Variants in SPSB1 observed in about 807,000 individuals in gnomAD.
SPSB1 encodes splA/ryanodine receptor domain and SOCS box containing 1, also known as SPRY domain-containing SOCS box protein 1.
SPSB1 carries 8 observed loss-of-function variants against 21.2 expected under a neutral mutation model. The ratio of observed to expected loss-of-function variants is 0.38; its 90% CI spans 0.22 to 0.68. SPSB1 has a LOEUF of 0.68. Ranked by LOEUF, SPSB1 falls within the 30% of genes least tolerant of loss-of-function variation. The probability of loss-of-function intolerance (pLI) is 0.53; values close to 1 mark genes in which losing one functional copy is unlikely to be tolerated. For missense variants in SPSB1, 242 were observed against 377.8 expected (o/e 0.64, Z 2.98); for synonymous variants, 169 against 161.7 (o/e 1.05, Z -0.34).
At chr1:9,329,948 G>C (rs1334352397) in intron 1 of SPSB1, among the ~76,000 whole-genome samples, 1 of 152,184 alleles carries the variant, frequency 6.6e-6, no homozygotes, top group African/African-American at 2.4e-5. Flanking sequence ...GGAGAAAATT[G>C]CTGTGGATGA....
chr1:9,341,148 C>T (rs1006031626), intron 1 of SPSB1, among the ~76,000 whole-genome samples: 3 of 152,196 alleles, frequency 2.0e-5, no homozygotes, highest in African/African-American at 4.8e-5. Flanking sequence ...AATAGGCACA[C>T]CCCAGATCCA....
At chr1:9,349,457 CAG>C (rs1640215765) in intron 1 of SPSB1, among the ~76,000 whole-genome samples, 1 of 152,254 alleles carries the variant, frequency 6.6e-6, no homozygotes, top group South Asian at 2.1e-4. Context: ...TGAGCTCAAC[CAG>C]AGAGGCCAAG....
At chr1:9,328,393 C>T (rs773015596) in intron 1 of SPSB1, among the ~76,000 whole-genome samples, 1 of 152,220 alleles carries the variant, frequency 6.6e-6, no homozygotes, top group Non-Finnish European at 1.5e-5. Flanking sequence ...CGGGACTTCT[C>T]AGAGCCTTTA....
chr1:9,329,753 G>A (rs1030773579), intron 1 of SPSB1, among the ~76,000 whole-genome samples: 2 of 151,750 alleles, frequency 1.3e-5, no homozygotes, highest in Non-Finnish European at 2.9e-5. Flanking sequence ...TAGTGCTGGA[G>A]TCCAGGAGAC....
At chr1:9,303,638 G>A (rs1639367909) in intron 1 of SPSB1, among the ~76,000 whole-genome samples, 1 of 152,224 alleles carries the variant, frequency 6.6e-6, no homozygotes, top group South Asian at 2.1e-4. Context: ...GGAGTGAATA[G>A]CACTCAAGGA....
chr1:9,335,724 C>T (rs1268428646), intron 1 of SPSB1, among the ~76,000 whole-genome samples: 1 of 152,112 alleles, frequency 6.6e-6, no homozygotes, highest in African/African-American at 2.4e-5. Flanking sequence ...CACTTGAGCA[C>T]TTGAGCCCAG....
rs1557465573 is a variant in SPSB1, at chr1:9,357,093, ATGGATGGATGGATGGATGAGTGGATGG to A, written c.694+509_694+535del. Among the ~76,000 whole-genome samples, 322 of 92,382 alleles carry A rather than the reference ATGGATGGATGGATGGATGAGTGGATGG, an allele frequency of 3.5e-3. 1 individual carries two copies. The highest frequency in any genetic ancestry group is 5.6e-3 in the Non-Finnish European group (235 of 42,272). The allele number at this position is 92,382 out of a possible 152,430, so 60.6% of individuals were successfully genotyped here. ...AATGAACGGATGGATGGGTGGGTGG[ATGGATGGATGGATGGATGAGTGGATGG>A]ATGGATGGATGAGTGGATGGATGGA... On this transcript the variant is annotated intron_variant, in intron 2 of 2. Transcript: ENST00000328089.
chr1:9,360,666 C>T (rs1354411440), intron 2 of SPSB1, among the ~76,000 whole-genome samples: 3 of 152,176 alleles, frequency 2.0e-5, no homozygotes, highest in Non-Finnish European at 4.4e-5. Flanking sequence ...CCAGGGTGCT[C>T]CACCTGTGTA....
intron 1 of SPSB1, among the ~76,000 whole-genome samples, chr1:9,314,249 A>G (rs1639573442): frequency 6.6e-6 from 1 of 151,804 alleles, no homozygotes; most frequent in African/African-American, 2.4e-5. Context: ...TCCACCTGAC[A>G]TTTTCAGTGT....
intron 1 of SPSB1, among the ~76,000 whole-genome samples, chr1:9,302,395 T>C (rs1639344143): frequency 6.6e-6 from 1 of 152,174 alleles, no homozygotes; most frequent in Admixed American, 6.5e-5. Context: ...CTGCCCCAGA[T>C]GTGTCTGTGA....
chr1:9,295,807 C>T (rs1639214670), intron 1 of SPSB1, among the ~76,000 whole-genome samples: 1 of 152,166 alleles, frequency 6.6e-6, no homozygotes, highest in South Asian at 2.1e-4. Context: ...ATGAGTTCGT[C>T]TGGGCATTTT....
intron 2 of SPSB1, among the ~76,000 whole-genome samples, chr1:9,359,706 A>G (rs1210422156): frequency 5.7e-3 from 168 of 29,608 alleles, no homozygotes; most frequent in African/African-American, 0.014. Flanking sequence ...CGTCTCTGGG[A>G]AAAAAAAAAA....
chr1:9,367,667 C>T lies in SPSB1; in HGVS notation c.*92C>T, dbSNP rs976629841. The T allele has an allele frequency of 8.8e-6, 13 of 1,474,772 alleles. No individual in the cohort carries two copies. Among genetic ancestry groups the T allele is most frequent in the South Asian group, 2.7e-5 (2 of 74,308 alleles). The allele number at this position is 1,474,772 out of a possible 1,614,324, so 91.4% of individuals were successfully genotyped here. On this transcript the variant is annotated 3_prime_UTR_variant, in exon 3 of 3. Coordinates refer to ENST00000328089, the MANE Select transcript of SPSB1 (RefSeq NM_025106.4). The surrounding 1 kb of genome is among the most constrained non-coding windows in gnomAD (Gnocchi z 5.9). Reference sequence around the variant, plus strand: ...GGCCGCCGCACCCTGCACCTTGGACCGGCATCCGTAGCCATGGACAGAGGT... The same window carrying T: ...GGCCGCCGCACCCTGCACCTTGGACTGGCATCCGTAGCCATGGACAGAGGT...
intron 1 of SPSB1, among the ~76,000 whole-genome samples, chr1:9,349,678 T>C (rs554898696): frequency 6.6e-6 from 1 of 152,358 alleles, no homozygotes; most frequent in South Asian, 2.1e-4. Flanking sequence ...GCATCGACTC[T>C]TCGATCCAGA....
intron 1 of SPSB1, among the ~76,000 whole-genome samples, chr1:9,299,489 T>TC (rs772693646): frequency 1.2e-4 from 18 of 151,384 alleles, no homozygotes; most frequent in African/African-American, 2.9e-4. Flanking sequence ...TCTCTCTCTC[T>TC]TTTTTTGAGA....
chr1:9,342,470 T>C (rs1039772769), intron 1 of SPSB1, among the ~76,000 whole-genome samples: 1 of 152,178 alleles, frequency 6.6e-6, no homozygotes, highest in Non-Finnish European at 1.5e-5. Flanking sequence ...GTCAATTCGC[T>C]GATAGCAGAA....
At chr1:9,299,033 C>T (rs1639272133) in intron 1 of SPSB1, among the ~76,000 whole-genome samples, 1 of 152,208 alleles carries the variant, frequency 6.6e-6, no homozygotes, top group Non-Finnish European at 1.5e-5. Flanking sequence ...CACCACATCC[C>T]CATTCAACTC....
Position 9,367,780 on chromosome 1 carries a change from A to G in SPSB1, c.*205A>G. On this transcript the variant is annotated 3_prime_UTR_variant, in exon 3 of 3. Coordinates refer to ENST00000328089, the MANE Select transcript of SPSB1 (RefSeq NM_025106.4). This position sits in a 1 kb window ranked among gnomAD's most constrained non-coding sequence, Gnocchi z 5.9. ...CTCCTCTTTCCCCCTTCCCGACATC[A>G]GCAGAAGGCAGCATCCCTGCATGCC... 1 of 717,720 alleles carries G rather than the reference A, an allele frequency of 1.4e-6. No homozygotes were observed. The highest frequency in any genetic ancestry group is 2.2e-6 in the Non-Finnish European group (1 of 447,076). The allele number at this position is 717,720 out of a possible 1,614,324, so 44.5% of individuals were successfully genotyped here.
At chr1:9,361,156 C>CTGTTTTTTTTTT in intron 2 of SPSB1, among the ~76,000 whole-genome samples, 1 of 102,578 alleles carries the variant, frequency 9.7e-6, no homozygotes, top group African/African-American at 4.1e-5. Context: ...CTGTCATTTT[C>CTGTTTTTTTTTT]TTTTTTTTTT....
Sources: allele counts gnomAD v4.1 joint callset (sites outside exome capture counted in the v4.1 genomes callset), GRCh38; gene constraint gnomAD v4.1.1; non-coding constraint Gnocchi (gnomAD v3.1); transcripts MANE v1.5; gene names NCBI Gene and HGNC (gene_info 2026-07-23, HGNC 2026-07-21).